TOP2A: variants seen among roughly 807,000 people sequenced by gnomAD.
The protein encoded by TOP2A is DNA topoisomerase II alpha.
A neutral mutation model predicts 187.2 loss-of-function variants in TOP2A; 68 were observed. The observed-to-expected ratio is 0.36, with a 90% CI of 0.30 to 0.44. TOP2A has a LOEUF of 0.44. Ranked by LOEUF, TOP2A falls within the 20% of genes least tolerant of loss-of-function variation. The probability of loss-of-function intolerance (pLI) is 1.00; values close to 1 mark genes in which losing one functional copy is unlikely to be tolerated. For missense variants in TOP2A, 1,196 were observed against 1,808.7 expected (o/e 0.66, Z 6.14); for synonymous variants, 542 against 593.2 (o/e 0.91, Z 1.25).
At chr17:40,397,919 C>T (rs1381329579) in intron 27 of TOP2A, among the ~76,000 whole-genome samples, 1 of 151,016 alleles carries the variant, frequency 6.6e-6, no homozygotes, top group African/African-American at 2.4e-5. Context: ...GCTGGGATTA[C>T]AGGCATGTGC....
chr17:40,396,906 T>G (rs988117501), intron 27 of TOP2A, among the ~76,000 whole-genome samples: 4 of 151,658 alleles, frequency 2.6e-5, no homozygotes, highest in Admixed American at 2.0e-4. Context: ...TTTTGTTTTT[T>G]TTTTTTTAAG....
At position 40,412,875 on chromosome 17, in the gene TOP2A, T is replaced by TA. The variant is rs1488694627; in HGVS notation, c.672dup (p.Lys225Ter). ...TTGTCCAGGCTTTGCATTTTAAACT[T>TA]AGACAAATCAGGCTGAAAGGTGATA... On this transcript the variant is annotated frameshift_variant, in exon 7 of 35. Coordinates refer to ENST00000423485, the MANE Select transcript of TOP2A (RefSeq NM_001067.4). LOFTEE classifies it high-confidence loss of function. 2.5e-6 allele frequency: 4 copies of TA among 1,613,822 alleles called. No individual in the cohort carries two copies. The highest frequency in any genetic ancestry group is 3.4e-6 in the Non-Finnish European group (4 of 1,179,856).
In TOP2A at chr17:40,392,330, ATT is replaced by A; in HGVS notation, c.3974_3975del (p.Lys1325IlefsTer9). ...TCATCTGAATCCAAATCCATTGTGA[ATT>A]TTGTTTTTGCTAGTAAAAAAACCAT... The part of the protein sequence containing the change: ...TEPRRAATKT[K>X]FTMDLDSDED... On this transcript the variant is annotated frameshift_variant, in exon 31 of 35. Coordinates refer to ENST00000423485, the MANE Select transcript of TOP2A (RefSeq NM_001067.4). LOFTEE classifies it high-confidence loss of function. The A allele has an allele frequency of 1.3e-6, 2 of 1,588,628 alleles. No homozygotes were observed. The highest frequency in any genetic ancestry group is 1.7e-6 in the Non-Finnish European group (2 of 1,166,540).
At chr17:40,394,831 C>T (rs1598608777) in intron 29 of TOP2A, among the ~76,000 whole-genome samples, 1 of 152,302 alleles carries the variant, frequency 6.6e-6, no homozygotes. Flanking sequence ...TATGTAGTCA[C>T]TTTTCTTAAG....
chr17:40,390,024 T>C lies in TOP2A; in HGVS notation c.4408A>G (p.Thr1470Ala). The C allele has an allele frequency of 1.2e-6, 2 of 1,613,964 alleles. No homozygotes were observed. Among genetic ancestry groups the C allele is most frequent in the Non-Finnish European group, 1.7e-6 (2 of 1,179,878 alleles). The change falls in exon 34 of 35, where the codon ACT (threonine) becomes GCT (alanine). Residue 1470 changes from threonine (T) to alanine (A), a missense_variant. By Grantham distance (58) the Thr-to-Ala change is moderately conservative. Transcript: ENST00000423485. Reference protein sequence around the residue: ...TKNRRKRKPSTSDDSDSNFEK... With the variant: ...TKNRRKRKPSASDDSDSNFEK... ...AAATTAGAGTCAGAATCATCAGAAG[T>C]GGATGGCTTCCTTTTGCGGCGATTC...
At position 40,392,092 on chromosome 17, in the gene TOP2A, T is replaced by C. The variant is rs2035028495; in HGVS notation, c.4108A>G (p.Lys1370Glu). 1 of 1,612,322 alleles carries C rather than the reference T, an allele frequency of 6.2e-7. No individual in the cohort carries two copies. Among genetic ancestry groups the C allele is most frequent in the Non-Finnish European group, 8.5e-7 (1 of 1,179,362 alleles). ...CCTGACACGACACTTTTCTGTGGTT[T>C]CAGTTCTTTGTTACTAAGTCTAGAA... ...TSPKLSNKEL[K>E]PQKSVVSDLE... is the part of the protein sequence containing the mutation. Residue 1370 changes from lysine to glutamate, a missense_variant, in exon 32 of 35, where the codon AAA becomes GAA. Lys to Glu is a moderately conservative substitution (Grantham distance 56). This residue lies in a region of TOP2A where 374 missense variants were observed against 403.3 expected (regional missense o/e 0.93). Transcript: ENST00000423485.
At chr17:40,404,080 A>T in intron 19 of TOP2A, 72 bp downstream of exon 19, 1 of 1,563,812 alleles carries the variant, frequency 6.4e-7, no homozygotes, top group Non-Finnish European at 8.6e-7. Context: ...ACTTTCACCA[A>T]ATCTGTTTTG....
chr17:40,408,890 GAT>G (rs1409129416), intron 10 of TOP2A: 2 of 577,242 alleles, frequency 3.5e-6, no homozygotes, highest in Non-Finnish European at 6.5e-6. Flanking sequence ...ACTTGTTGGA[GAT>G]ATAGTGGTTA....
At chr17:40,416,967 T>G in intron 1 of TOP2A, 72 bp from the exon 2 acceptor site, 1 of 1,321,186 alleles carries the variant, frequency 7.6e-7, no homozygotes, top group Non-Finnish European at 1.0e-6. Flanking sequence ...AGGAACAAAA[T>G]GCCTACCATA....
chr17:40,392,389 A>G, intron 30 of TOP2A, 48 bp from the exon 31 acceptor site: 1 of 1,550,142 alleles, frequency 6.5e-7, no homozygotes, highest in East Asian at 2.3e-5. Flanking sequence ...TAGTAGGAGA[A>G]ACAATTCATA....
Position 40,396,430 on chromosome 17 carries a change from G to T in TOP2A, c.3573C>A (p.Val1191=). 6.2e-7 allele frequency: 1 copy of T among 1,613,666 alleles called. No homozygotes were observed. Among genetic ancestry groups the T allele is most frequent in the Non-Finnish European group, 8.5e-7 (1 of 1,179,756 alleles). ...VEAKEKQDEQ[V]GLPGKGGKAK... is the part of the protein sequence containing the mutation. Reference sequence around the variant, plus strand: ...CCTTCCCCCCTTTCCCAGGAAGTCCGACTTGTTCATCTTGTTTTTCCTTGG... The same window carrying T: ...CCTTCCCCCCTTTCCCAGGAAGTCCTACTTGTTCATCTTGTTTTTCCTTGG... The change falls in exon 28 of 35, where the codon GTC becomes GTA. Residue 1191 remains valine (V), a synonymous_variant. Coordinates refer to ENST00000423485, the MANE Select transcript of TOP2A (RefSeq NM_001067.4).
Position 40,411,673 on chromosome 17 carries a change from C to A in TOP2A, c.935G>T (p.Ser312Ile). ...GGATGTAGCAATGCTGTTGACAAAG[C>A]TAATTTGCTGAAAGCCTTTTTCACT... ...TMSEKGFQQI[S>I]FVNSIATSKG... The change falls in exon 8 of 35, where the codon AGC (serine) becomes ATC (isoleucine). Residue 312 changes from serine to isoleucine, a missense_variant. Ser to Ile is a moderately radical substitution (Grantham distance 142). Transcript: ENST00000423485. This position sits in a 1 kb window ranked among gnomAD's most constrained non-coding sequence, Gnocchi z 4.4. 6.2e-7 allele frequency: 1 copy of A among 1,610,388 alleles called. No homozygotes were observed. Among genetic ancestry groups the A allele is most frequent in the South Asian group, 1.1e-5 (1 of 90,074 alleles).
At chr17:40,405,493 C>T (rs1349474386) in intron 16 of TOP2A, among the ~76,000 whole-genome samples, 39 of 133,424 alleles carry the variant, frequency 2.9e-4, no homozygotes, top group African/African-American at 7.7e-4. Flanking sequence ...CTCGCTCTGT[C>T]GCCCAGGCTG....
At chr17:40,403,134 T>C (rs371616728) in intron 19 of TOP2A, 80 bp from the exon 20 acceptor site, 2 of 1,329,138 alleles carry the variant, frequency 1.5e-6, no homozygotes, top group African/African-American at 1.5e-5. Flanking sequence ...TATAATCCTG[T>C]AACATTTTGT....
chr17:40,408,654 A>T, intron 10 of TOP2A, 24 bp from the exon 11 acceptor site: 2 of 1,611,744 alleles, frequency 1.2e-6, no homozygotes, highest in Non-Finnish European at 1.7e-6. Flanking sequence ...GATTCATATT[A>T]GGGATCATAT....
Position 40,408,087 on chromosome 17 carries a change from A to G in TOP2A, c.1380T>C (p.Thr460=), listed in dbSNP as rs752280960. The G allele has an allele frequency of 4.3e-6, 7 of 1,613,506 alleles. No individual in the cohort carries two copies. In the South Asian group the frequency reaches 7.7e-5, roughly 18 times the overall value. The change falls in exon 12 of 35, where the codon ACT becomes ACC. Residue 460 remains threonine, a synonymous_variant. Coordinates refer to ENST00000423485, the MANE Select transcript of TOP2A (RefSeq NM_001067.4). ...CCAAAGTTTTGGCTGAATCTCCCTCAGTCAGGATAAGCGTACACTCAGTGG... is the reference window on the plus strand; with the variant it reads ...CCAAAGTTTTGGCTGAATCTCCCTCGGTCAGGATAAGCGTACACTCAGTGG... ...RNSTECTLIL[T]EGDSAKTLAV...
intron 26 of TOP2A, 55 bp from the exon 27 acceptor site, chr17:40,398,696 A>G (rs2035134541): frequency 6.2e-7 from 1 of 1,604,624 alleles, no homozygotes; most frequent in Non-Finnish European, 8.5e-7. Context: ...CAGCATTTTC[A>G]TGCAACACAC....
intron 4 of TOP2A, among the ~76,000 whole-genome samples, chr17:40,415,406 G>T (rs1303331694): frequency 3.3e-5 from 5 of 152,012 alleles, no homozygotes; most frequent in Non-Finnish European, 7.4e-5. Flanking sequence ...GAAAATCCAG[G>T]TATACTTTGT....
At chr17:40,406,249 T>A in intron 16 of TOP2A, 135 bp downstream of exon 16, 1 of 677,296 alleles carries the variant, frequency 1.5e-6, no homozygotes, top group South Asian at 2.7e-5. Flanking sequence ...GGGATATGCT[T>A]ACTGGAAACA....
Sources: allele counts gnomAD v4.1 joint callset (sites outside exome capture counted in the v4.1 genomes callset), GRCh38; gene constraint gnomAD v4.1.1; regional missense constraint gnomAD v4.1.1; non-coding constraint Gnocchi (gnomAD v3.1); transcripts MANE v1.5; gene names NCBI Gene and HGNC (gene_info 2026-07-23, HGNC 2026-07-21).